Variants in DIP2C observed in about 807,000 individuals in gnomAD.
DIP2C encodes DIP2 acetate--CoA ligase C (putative).
In DIP2C, 33 loss-of-function variants were observed where a neutral mutation model predicts 192.4. The observed-to-expected ratio is 0.17, with a 90% CI of 0.13 to 0.23. DIP2C has a LOEUF of 0.23. Ranked by LOEUF, DIP2C falls within the 10% of genes least tolerant of loss-of-function variation. The pLI is 1.00. For missense variants in DIP2C, 1,537 were observed against 2,110.1 expected (o/e 0.73, Z 5.32); for synonymous variants, 979 against 864.1 (o/e 1.13, Z -2.33).
At position 353,498 on chromosome 10, in the gene DIP2C, C is replaced by T. The variant is rs764548878; in HGVS notation, c.2985+2928G>A. ...CTGCTTCCCGGGTTCAAGCGACTCTCGTGCTTCCAGCCTCCCAAGTAGCTG... is the reference window on the plus strand; with the variant it reads ...CTGCTTCCCGGGTTCAAGCGACTCTTGTGCTTCCAGCCTCCCAAGTAGCTG... On this transcript the variant is annotated intron_variant, in intron 24 of 36. Coordinates refer to ENST00000280886, the MANE Select transcript of DIP2C (RefSeq NM_014974.3). Among the ~76,000 whole-genome samples, 9 of 151,588 alleles carry T rather than the reference C, an allele frequency of 5.9e-5. 1 individual carries two copies. The highest frequency in any genetic ancestry group is 3.4e-3 in the Middle Eastern group (1 of 294).
Position 341,333 on chromosome 10 carries a change from C to A in DIP2C, c.3454-4G>T. The A allele has an allele frequency of 1.9e-6, 3 of 1,613,750 alleles. No homozygotes were observed. The highest frequency in any genetic ancestry group is 2.5e-6 in the Non-Finnish European group (3 of 1,180,030). ...CACTGGTGGCTGCGTGAGACATCTG[C>A]AAAATACAAGGCTGTGTTAAACGCA... On this transcript the variant is annotated splice_polypyrimidine_tract_variant and splice_region_variant and intron_variant, in intron 28 of 36. Coordinates refer to ENST00000280886, the MANE Select transcript of DIP2C (RefSeq NM_014974.3).
intron 1 of DIP2C, among the ~76,000 whole-genome samples, chr10:684,033 C>G (rs1360363694): frequency 6.6e-6 from 1 of 152,264 alleles, no homozygotes; most frequent in Non-Finnish European, 1.5e-5. Flanking sequence ...CTAACGGCAC[C>G]TGGAGCAGCC....
At chr10:580,203 C>T (rs1588510024) in intron 1 of DIP2C, among the ~76,000 whole-genome samples, 1 of 151,078 alleles carries the variant, frequency 6.6e-6, no homozygotes, top group Non-Finnish European at 1.5e-5. Context: ...TACATATGCA[C>T]ATATATATAA....
chr10:355,202 A>C (rs149307545), intron 24 of DIP2C, among the ~76,000 whole-genome samples: 26 of 152,296 alleles, frequency 1.7e-4, no homozygotes, highest in African/African-American at 5.8e-4. Flanking sequence ...CTGGTTTTAA[A>C]GCCTCTTCCT....
At chr10:486,568 G>A (rs759813085) in intron 1 of DIP2C, 38 bp from the exon 2 acceptor site, 26 of 1,548,934 alleles carry the variant, frequency 1.7e-5, no homozygotes, top group South Asian at 1.7e-4. Context: ...TATGGTCTCC[G>A]TGGATAGAGC....
intron 1 of DIP2C, among the ~76,000 whole-genome samples, chr10:579,625 T>A (rs1850452207): frequency 6.6e-6 from 1 of 152,044 alleles, no homozygotes; most frequent in South Asian, 2.1e-4. Flanking sequence ...ACATGTGCAC[T>A]GTAACATGTA....
chr10:585,935 A>G (rs1000281390), intron 1 of DIP2C, among the ~76,000 whole-genome samples: 2 of 152,224 alleles, frequency 1.3e-5, no homozygotes, highest in Non-Finnish European at 2.9e-5. Flanking sequence ...TGCAGCAAAT[A>G]TATCCAACTG....
chr10:377,411 G>A (rs1030017988), intron 17 of DIP2C, among the ~76,000 whole-genome samples: 11 of 152,194 alleles, frequency 7.2e-5, no homozygotes, highest in African/African-American at 1.2e-4. Flanking sequence ...TAAAACGCAC[G>A]TGGTTGGGTG....
chr10:428,306 A>G (rs1966726970), intron 4 of DIP2C, among the ~76,000 whole-genome samples: 1 of 152,166 alleles, frequency 6.6e-6, no homozygotes, highest in South Asian at 2.1e-4. Context: ...CAATCAGCCT[A>G]AAGTACATTC....
At chr10:578,538 T>C (rs532002762) in intron 1 of DIP2C, among the ~76,000 whole-genome samples, 11 of 152,336 alleles carry the variant, frequency 7.2e-5, no homozygotes, top group African/African-American at 2.2e-4. Context: ...AAGGAAGTGA[T>C]TGGTTCCTAA....
intron 4 of DIP2C, among the ~76,000 whole-genome samples, chr10:424,960 G>A (rs1289060464): frequency 1.4e-5 from 2 of 147,458 alleles, no homozygotes; most frequent in Admixed American, 7.1e-5. Context: ...AGATGATACA[G>A]CATGACCAGC....
At chr10:467,302 A>G (rs1227996087) in intron 3 of DIP2C, among the ~76,000 whole-genome samples, 5 of 146,916 alleles carry the variant, frequency 3.4e-5, no homozygotes, top group Admixed American at 1.4e-4. Context: ...AACACCACAT[A>G]TTCTCACTCA....
At chr10:609,591 T>G (rs989236572) in intron 1 of DIP2C, among the ~76,000 whole-genome samples, 1 of 152,210 alleles carries the variant, frequency 6.6e-6, no homozygotes, top group East Asian at 1.9e-4. Context: ...AAGGGCTAAT[T>G]TCCCCCCAAA....
intron 15 of DIP2C, 111 bp downstream of exon 15, chr10:384,435 T>G (rs1962690076): frequency 9.0e-7 from 1 of 1,111,972 alleles, no homozygotes; most frequent in Non-Finnish European, 1.3e-6. Flanking sequence ...ACGGGGTTTC[T>G]CCATATTGGC....
rs540236145 is a variant in DIP2C at position 475,022 on chromosome 10, G to A, written c.158-2473C>T. On this transcript the variant is annotated intron_variant, in intron 2 of 36. Transcript: ENST00000280886. ...ATCTCTCCCCAAGGAAGGCTTCAAC[G>A]GGGCTGTTTCGTTTGCCCGAAGAGC... is the stretch of plus-strand genomic sequence containing the variant. Among the ~76,000 whole-genome samples, 4 of 152,220 alleles carry A rather than the reference G, an allele frequency of 2.6e-5. No individual in the cohort carries two copies. The East Asian group carries it at 5.8e-4, about 22-fold the overall frequency.
chr10:329,363 C>G, intron 30 of DIP2C, 70 bp downstream of exon 30: 1 of 1,492,524 alleles, frequency 6.7e-7, no homozygotes, highest in East Asian at 2.4e-5. Flanking sequence ...CACCCCATCA[C>G]AGATGTGCCT....
intron 1 of DIP2C, among the ~76,000 whole-genome samples, chr10:648,766 A>T (rs1855659069): frequency 1.3e-5 from 2 of 149,212 alleles, no homozygotes; most frequent in Non-Finnish European, 3.0e-5. Flanking sequence ...GAACAGAGGG[A>T]AACTGAGTCC....
chr10:311,058 A>G (rs540198007), intron 31 of DIP2C, among the ~76,000 whole-genome samples: 25 of 152,128 alleles, frequency 1.6e-4, no homozygotes, highest in Admixed American at 1.5e-3. Flanking sequence ...AAAACATACC[A>G]TAGTACTCAA....
intron 31 of DIP2C, among the ~76,000 whole-genome samples, chr10:316,601 G>A (rs1053816374): frequency 6.6e-6 from 1 of 152,228 alleles, no homozygotes; most frequent in African/African-American, 2.4e-5. Context: ...TTCCCACGGT[G>A]ATTTGGGCTG....
Sources: gnomAD v4.1 joint callset for allele counts (sites outside exome capture counted in the v4.1 genomes callset) on GRCh38, gnomAD v4.1.1 for gene constraint, MANE v1.5 for transcripts, NCBI Gene and HGNC (gene_info 2026-07-23, HGNC 2026-07-21) for gene names.